Variants in ATP1B4 observed in about 807,000 individuals in gnomAD.
ATP1B4 encodes the protein protein ATP1B4.
In ATP1B4, 32 loss-of-function variants were observed where a neutral mutation model predicts 29.6. The ratio of observed to expected loss-of-function variants is 1.08; its 90% CI spans 0.82 to 1.45. The LOEUF is 1.45. ATP1B4 is among the 40% of genes most tolerant of loss of function. ATP1B4 has a pLI of 0.00. For synonymous variants in ATP1B4, 127 were observed against 102.1 expected (o/e 1.24, Z -1.47); for missense variants, 323 against 276.2 (o/e 1.17, Z -1.20).
At chrX:120,374,973 C>T (rs1216612727) in intron 4 of ATP1B4, among the ~76,000 whole-genome samples, 2 of 102,932 alleles carry the variant, frequency 1.9e-5, no homozygotes, top group African/African-American at 7.1e-5. Flanking sequence ...CCAAAATCTA[C>T]CAACTATGTG....
rs2147255801 is a variant in ATP1B4, at chrX:120,375,470, C to T, written c.661C>T (p.Gln221Ter). 8.3e-7 allele frequency: 1 copy of T among 1,210,910 alleles called. No homozygotes were observed. Among genetic ancestry groups the T allele is most frequent in the African/African-American group, 1.7e-5 (1 of 57,675 alleles). The change falls in exon 5 of 8, where the codon CAA becomes TAA. Residue 221 changes from glutamine to a stop codon, truncating the protein, a stop_gained. Coordinates refer to ENST00000218008, the MANE Select transcript of ATP1B4 (RefSeq NM_001142447.3). LOFTEE classifies it high-confidence loss of function. ...GNEDEDKKACQFKRSFLKNCS... is the reference protein window; with the variant it reads ...GNEDEDKKAC The stretch of plus-strand genomic sequence containing the variant: ...TGAGGATGAGGACAAGAAGGCCTGC[C>T]AATTTAAGCGCTCCTTCCTAAAGAA...
At position 120,371,140 on chromosome X, in the gene ATP1B4, C is replaced by G; in HGVS notation, c.492C>G (p.Asn164Lys). Residue 164 changes from asparagine to lysine, a missense_variant, in exon 4 of 8, where the codon AAC (asparagine) becomes AAG (lysine). By Grantham distance (94) the Asn-to-Lys change is moderately conservative (BLOSUM62 0). Transcript: ENST00000218008. ...TCAGACCCTTCGCCCATAGCCTTAA[C>G]TTCAACTTCAACGTTTCTGAACCCG... ...VMIRPFAHSLNFNFNVSEPDT... is the reference protein window; with the variant it reads ...VMIRPFAHSLKFNFNVSEPDT... 8.3e-7 allele frequency: 1 copy of G among 1,211,346 alleles called. No individual in the cohort carries two copies. Among genetic ancestry groups the G allele is most frequent in the Non-Finnish European group, 1.1e-6 (1 of 895,138 alleles).
intron 4 of ATP1B4, among the ~76,000 whole-genome samples, chrX:120,373,763 A>T (rs1292192993): frequency 8.9e-6 from 1 of 111,931 alleles, no homozygotes; most frequent in Non-Finnish European, 1.9e-5. Flanking sequence ...GCCTCAGTTG[A>T]CAAGATCTCA....
intron 2 of ATP1B4, among the ~76,000 whole-genome samples, chrX:120,368,460 C>T (rs1354302605): frequency 1.8e-5 from 2 of 112,040 alleles, no homozygotes; most frequent in African/African-American, 3.3e-5. Flanking sequence ...TTGGTATCTA[C>T]GCAACCCCTA....
chrX:120,365,586 C>T (rs2058281905), intron 1 of ATP1B4, among the ~76,000 whole-genome samples: 1 of 112,505 alleles, frequency 8.9e-6, no homozygotes, highest in African/African-American at 3.2e-5. Flanking sequence ...AGGGCAGCCT[C>T]ATTTTCTGCT....
chrX:120,370,210 TC>T (rs767007947), intron 2 of ATP1B4, among the ~76,000 whole-genome samples: 1 of 111,907 alleles, frequency 8.9e-6, no homozygotes, highest in South Asian at 3.8e-4. Context: ...GGCCAAAACC[TC>T]ACTTTGCCTT....
chrX:120,379,402 G>A, intron 7 of ATP1B4, 71 bp from the exon 8 acceptor site: 1 of 1,006,720 alleles, frequency 9.9e-7, no homozygotes, highest in Non-Finnish European at 1.4e-6. Flanking sequence ...TTGTCATCCT[G>A]CAGTGATTAT....
At chrX:120,375,119 C>T (rs2058345490) in intron 4 of ATP1B4, among the ~76,000 whole-genome samples, 1 of 109,023 alleles carries the variant, frequency 9.2e-6, no homozygotes, top group African/African-American at 3.3e-5. Context: ...CCAGAAGTTC[C>T]ATGGGAATGA....
At chrX:120,365,878 A>G (rs2058283287) in intron 1 of ATP1B4, among the ~76,000 whole-genome samples, 1 of 111,913 alleles carries the variant, frequency 8.9e-6, no homozygotes, top group Non-Finnish European at 1.9e-5. Context: ...TCCAGCTCTC[A>G]GATGGTCTTT....
chrX:120,376,523 TG>T (rs2058357078), intron 6 of ATP1B4, 87 bp downstream of exon 6: 1 of 826,164 alleles, frequency 1.2e-6, no homozygotes, highest in African/African-American at 2.0e-5. Flanking sequence ...TACACATGGA[TG>T]GTAGGCTAAG....
At chrX:120,375,632 C>A in intron 5 of ATP1B4, 64 bp downstream of exon 5, 2 of 965,988 alleles carry the variant, frequency 2.1e-6, no homozygotes. Flanking sequence ...GCTCTGGCCA[C>A]TCCATTTGTC....
Position 120,379,552 on chromosome X carries a change from T to C in ATP1B4, c.992T>C (p.Leu331Pro). ...CAAGCAGTGCCTGTGCAGTGCCAAC[T>C]GAAGGGCAAAGGCGTCATAAATGAT... Reference protein sequence around the residue: ...KNQAVPVQCQLKGKGVINDVI... With the variant: ...KNQAVPVQCQPKGKGVINDVI... Residue 331 changes from leucine (L) to proline (P), a missense_variant, in exon 8 of 8, where the codon CTG (leucine) becomes CCG (proline). Transcript: ENST00000218008. 2.5e-6 allele frequency: 3 copies of C among 1,211,413 alleles called. No individual in the cohort carries two copies. Among genetic ancestry groups the C allele is most frequent in the Non-Finnish European group, 2.2e-6 (2 of 895,167 alleles).
At position 120,374,674 on chromosome X, in the gene ATP1B4, ATAT is replaced by A. The variant is rs1365295977; in HGVS notation, c.563-694_563-692del. 6.1e-3 allele frequency among the ~76,000 whole-genome samples: 337 copies of A among 54,939 alleles called. 10 individuals carry two copies. Among genetic ancestry groups the A allele is most frequent in the Non-Finnish European group, 8.1e-3 (246 of 30,348 alleles). The allele number at this position is 54,939 out of a possible 115,157, so 47.7% of individuals were successfully genotyped here. On this transcript the variant is annotated intron_variant, in intron 4 of 7. Transcript: ENST00000218008. ...ATATATAATATAATATATAATATAT[ATAT>A]TATATACCCTTATATATAATATATA...
At chrX:120,376,718 C>T (rs2058358353) in intron 6 of ATP1B4, among the ~76,000 whole-genome samples, 1 of 112,185 alleles carries the variant, frequency 8.9e-6, no homozygotes, top group Admixed American at 9.5e-5. Flanking sequence ...CTAAGGGCCA[C>T]AGCAGGGAAC....
rs1482987734 is a variant in ATP1B4, at chrX:120,376,266, G to C, written c.760-114G>C. 5 of 662,437 alleles carry C rather than the reference G, an allele frequency of 7.5e-6. No homozygotes were observed. In the Admixed American group the frequency reaches 9.3e-5, roughly 12 times the overall value. 54.6% of individuals were successfully genotyped at this position (662,437 alleles called of 1,213,427 possible). ...GTAACATTTCTGAGAAGGCGAAATA[G>C]ATGAAGCATATGCCTGAGGAAGCAT... On this transcript the variant is annotated intron_variant, in intron 5 of 7. Coordinates refer to ENST00000218008, the MANE Select transcript of ATP1B4 (RefSeq NM_001142447.3).
At chrX:120,374,786 T>TACCCTTATATATAATATATA (rs1491129477) in intron 4 of ATP1B4, among the ~76,000 whole-genome samples, 2 of 403 alleles carry the variant, frequency 5.0e-3, no homozygotes, top group African/African-American at 0.011. Context: ...TATATATATA[T>TACCCTTATATATAATATATA]TATATACCCT....
intron 6 of ATP1B4, among the ~76,000 whole-genome samples, chrX:120,378,167 AG>A (rs1323129696): frequency 8.9e-6 from 1 of 111,937 alleles, no homozygotes; most frequent in Non-Finnish European, 1.9e-5. Flanking sequence ...CCTGTGTATC[AG>A]GTACCTATGC....
chrX:120,371,324 A>G, intron 4 of ATP1B4, 114 bp downstream of exon 4: 2 of 563,554 alleles, frequency 3.5e-6, no homozygotes, highest in Non-Finnish European at 3.0e-6. Context: ...CCAACTCATC[A>G]TGGTCTGTCC....
Position 120,366,758 on chromosome X carries a change from G to A in ATP1B4, c.297G>A (p.Arg99=). The change falls in exon 2 of 8, where the codon AGG becomes AGA. Residue 99 remains arginine (R), a synonymous_variant. Coordinates refer to ENST00000218008, the MANE Select transcript of ATP1B4 (RefSeq NM_001142447.3). ...AATACCTGTGGGATCCAGAGAGAAG[G>A]ATGTTTCTGGCCCGAACAGGTCAGA... ...MSEYLWDPER[R]MFLARTGQSW... is the part of the protein sequence containing the mutation. The A allele has an allele frequency of 8.3e-7, 1 of 1,211,365 alleles. No homozygotes were observed. The highest frequency in any genetic ancestry group is 1.7e-5 in the African/African-American group (1 of 57,807).
Sources: gnomAD v4.1 joint callset for allele counts (sites outside exome capture counted in the v4.1 genomes callset) on GRCh38, gnomAD v4.1.1 for gene constraint, MANE v1.5 for transcripts, NCBI Gene and HGNC (gene_info 2026-07-23, HGNC 2026-07-21) for gene names.